The following CYP4F11 variants were observed in gnomAD, a reference collection of about 807,000 sequenced individuals.
CYP4F11 encodes the protein cytochrome P450 4F11.
Under a neutral mutation model 62.2 loss-of-function variants are expected in CYP4F11, and 79 were observed. That is an observed-to-expected ratio of 1.27 (90% CI 1.06 to 1.53). The LOEUF is 1.53. Among genes scored for constraint, CYP4F11 ranks in the 40% most tolerant of loss-of-function variants. The probability of loss-of-function intolerance (pLI) is 0.00; values close to 1 mark genes in which losing one functional copy is unlikely to be tolerated. For missense variants in CYP4F11, 777 were observed against 680.5 expected (o/e 1.14, Z -1.58); for synonymous variants, 290 against 263.7 (o/e 1.10, Z -0.97).
In CYP4F11 at chr19:15,913,722, G is replaced by A. The variant is rs763880170; in HGVS notation, c.*10C>T. ...GGGACTCTACAGAGGTGGGTGGGTG[G>A]GTAGGACAGTCACTGTGAGTTCGCA... is the stretch of plus-strand genomic sequence containing the variant. On this transcript the variant is annotated 3_prime_UTR_variant, in exon 12 of 12. Transcript: ENST00000402119. 3.1e-6 allele frequency: 5 copies of A among 1,613,782 alleles called. No homozygotes were observed. The highest frequency in any genetic ancestry group is 3.4e-6 in the Non-Finnish European group (4 of 1,179,860).
At chr19:15,919,865 T>C (rs2089612438) in intron 8 of CYP4F11, among the ~76,000 whole-genome samples, 1 of 152,100 alleles carries the variant, frequency 6.6e-6, no homozygotes, top group African/African-American at 2.4e-5. Context: ...CTGTGAGAGC[T>C]AAAATAGGTT....
chr19:15,934,692 AC>A, upstream of CYP4F11: 1 of 352,388 alleles, frequency 2.8e-6, no homozygotes, highest in South Asian at 3.5e-5. Context: ...GGGTCCAGTT[AC>A]CAGGAAATCA....
chr19:15,914,095 C>T (rs1397969482), intron 11 of CYP4F11, among the ~76,000 whole-genome samples, 186 bp from the exon 12 acceptor site: 1 of 152,138 alleles, frequency 6.6e-6, no homozygotes, highest in Non-Finnish European at 1.5e-5. Flanking sequence ...GGCTCCTACC[C>T]CCAGTTCAGA....
intron 8 of CYP4F11, among the ~76,000 whole-genome samples, chr19:15,920,664 T>G (rs2089618878): frequency 6.6e-6 from 1 of 152,166 alleles, no homozygotes; most frequent in Non-Finnish European, 1.5e-5. Context: ...CCTCAGAATG[T>G]CCTTCCCTGG....
At chr19:15,934,616 GGAAA>G (rs1568259643), upstream of CYP4F11, 3 of 566,580 alleles carry the variant, frequency 5.3e-6, no homozygotes, top group Non-Finnish European at 8.9e-6. Flanking sequence ...ACACAGAAAG[GGAAA>G]GAGAGAGAGA....
intron 1 of CYP4F11, among the ~76,000 whole-genome samples, chr19:15,931,581 C>CGGGCAGAGGAATGAGTGAGT (rs2089721405): frequency 1.8e-5 from 1 of 55,778 alleles, no homozygotes; most frequent in Non-Finnish European, 3.5e-5. Flanking sequence ...AATGAGTGAG[C>CGGGCAGAGGAATGAGTGAGT]GAGGAGAGGA....
At chr19:15,929,186 C>T (rs3816557) in intron 2 of CYP4F11, among the ~76,000 whole-genome samples, 82,504 of 152,048 alleles carry the variant, frequency 0.54, 22,944 homozygotes, top group Non-Finnish European at 0.6. Flanking sequence ...TCCTCAAGCA[C>T]GGGGCTTTCT....
chr19:15,931,525 C>CAGAGGAATGAGTGAGCGGGG (rs1227278792), intron 1 of CYP4F11, among the ~76,000 whole-genome samples: 10 of 138,118 alleles, frequency 7.2e-5, no homozygotes, highest in East Asian at 2.2e-4. Flanking sequence ...GATGGCACAT[C>CAGAGGAATGAGTGAGCGGGG]AGAGGAATGA....
intron 8 of CYP4F11, among the ~76,000 whole-genome samples, chr19:15,918,321 A>C (rs2075259876): frequency 6.6e-6 from 1 of 152,148 alleles, no homozygotes; most frequent in Non-Finnish European, 1.5e-5. Flanking sequence ...CATCGGGAAG[A>C]ATAGCTAATG....
chr19:15,912,683 A>ATG lies in CYP4F11; in HGVS notation c.*1048_*1049insCA, dbSNP rs1568479443. 2 of 43,868 alleles carry ATG rather than the reference A, an allele frequency of 4.6e-5. No individual in the cohort carries two copies. The highest frequency in any genetic ancestry group is 1.7e-4 in the African/African-American group (2 of 11,884). The allele number at this position is 43,868 out of a possible 1,614,324, so 2.7% of individuals were successfully genotyped here. ...CCATCCTCAGGAAAAAAAAAAAAAT[A>ATG]TATATATATATATATGTGTGTGTGT... On this transcript the variant is annotated 3_prime_UTR_variant, in exon 12 of 12. Coordinates refer to ENST00000402119, the MANE Select transcript of CYP4F11 (RefSeq NM_021187.4).
intron 8 of CYP4F11, among the ~76,000 whole-genome samples, chr19:15,919,474 A>AGATG (rs1174544934): frequency 3.1e-5 from 2 of 63,644 alleles, no homozygotes; most frequent in East Asian, 4.4e-4. Context: ...ACAGATGTAT[A>AGATG]GATAGATAGA....
intron 4 of CYP4F11, 39 bp from the exon 5 acceptor site, chr19:15,924,921 C>G: frequency 1.3e-6 from 2 of 1,587,320 alleles, no homozygotes. Context: ...TGGGAACTGC[C>G]TCCTGGGAGC....
chr19:15,927,189 G>C, intron 4 of CYP4F11, 23 bp downstream of exon 4: 1 of 1,610,760 alleles, frequency 6.2e-7, no homozygotes, highest in Admixed American at 1.7e-5. Context: ...CTCCAGCTGG[G>C]ACCCAGAGTT....
At chr19:15,927,944 A>T (rs752183986) in intron 2 of CYP4F11, 2 of 165,844 alleles carry the variant, frequency 1.2e-5, no homozygotes, top group Non-Finnish European at 2.6e-5. Flanking sequence ...CATGGACCTG[A>T]GATGGTCTGA....
chr19:15,930,457 T>C (rs1050907816), intron 1 of CYP4F11, among the ~76,000 whole-genome samples: 2 of 152,072 alleles, frequency 1.3e-5, no homozygotes, highest in East Asian at 1.9e-4. Context: ...CCAGGCATGG[T>C]GGCTCACACC....
Position 15,913,807 on chromosome 19 carries a change from C to T in CYP4F11, c.1500G>A (p.Arg500=), listed in dbSNP as rs2089557603. 6.2e-7 allele frequency: 1 copy of T among 1,614,202 alleles called. No homozygotes were observed. Among genetic ancestry groups the T allele is most frequent in the African/African-American group, 1.3e-5 (1 of 75,058 alleles). ...CTGCGCGCAATATCAGCTCGGGTTT[C>T]CTGCGGGGTTCAGTGTGGGTCGGCA... is the stretch of plus-strand genomic sequence containing the variant. ...RILPTHTEPR[R]KPELILRAEG... is the part of the protein sequence containing the mutation. Residue 500 remains arginine, a synonymous_variant, in exon 12 of 12, where the codon AGG becomes AGA. Transcript: ENST00000402119.
At chr19:15,915,008 G>C in intron 8 of CYP4F11, 113 bp from the exon 9 acceptor site, 2 of 1,469,092 alleles carry the variant, frequency 1.4e-6, no homozygotes, top group Non-Finnish European at 1.8e-6. Context: ...ATTCCACATG[G>C]ATGAAATACT....
chr19:15,917,198 A>G (rs1482488100), intron 8 of CYP4F11, among the ~76,000 whole-genome samples: 1 of 152,186 alleles, frequency 6.6e-6, no homozygotes, highest in Admixed American at 6.5e-5. Flanking sequence ...ATATAGTCTC[A>G]CTTATAAGTG....
chr19:15,934,338 A>G lies in CYP4F11; in HGVS notation c.71T>C (p.Leu24Pro), dbSNP rs1187495080. ...GGCCAGGAGCCAGGAGCCTCCAACC[A>G]GCAGCAGAAGCAGCCACGGGGATGC... is the stretch of plus-strand genomic sequence containing the variant. Reference protein sequence around the residue: ...VAASPWLLLLLVGGSWLLARV... With the variant: ...VAASPWLLLLPVGGSWLLARV... Residue 24 changes from leucine to proline, a missense_variant, in exon 1 of 12, where the codon CTG (leucine) becomes CCG (proline). Transcript: ENST00000402119. 6.2e-7 allele frequency: 1 copy of G among 1,613,372 alleles called. No individual in the cohort carries two copies. Among genetic ancestry groups the G allele is most frequent in the Non-Finnish European group, 8.5e-7 (1 of 1,179,642 alleles).
Sources: gnomAD v4.1 joint callset for allele counts (sites outside exome capture counted in the v4.1 genomes callset) on GRCh38, gnomAD v4.1.1 for gene constraint, MANE v1.5 for transcripts, NCBI Gene and HGNC (gene_info 2026-07-23, HGNC 2026-07-21) for gene names.